Variants in DPP6 observed in about 807,000 individuals in gnomAD.
DPP6 encodes dipeptidyl peptidase like 6.
DPP6 carries 69 observed loss-of-function variants against 122.6 expected under a neutral mutation model. The ratio of observed to expected loss-of-function variants is 0.56; its 90% confidence interval spans 0.46 to 0.69. The LOEUF (loss-of-function observed/expected upper bound fraction) is 0.69. DPP6 is among the 30% of genes least tolerant of loss of function. The pLI is 0.00. For synonymous variants in DPP6, 418 were observed against 433.1 expected (o/e 0.97, Z 0.43); for missense variants, 928 against 1,116.9 (o/e 0.83, Z 2.41).
At chr7:154,320,546 C>T (rs968426568) in intron 1 of DPP6, among the ~76,000 whole-genome samples, 2 of 152,004 alleles carry the variant, frequency 1.3e-5, no homozygotes, top group South Asian at 2.1e-4. Context: ...TGCAGCAGTG[C>T]GATCTCGGCT....
chr7:154,569,297 T>C (rs1830962761), intron 5 of DPP6, among the ~76,000 whole-genome samples: 1 of 152,082 alleles, frequency 6.6e-6, no homozygotes, highest in African/African-American at 2.4e-5. Context: ...TCAGTAATTG[T>C]TATTGCTAGT....
At chr7:154,738,539 C>T (rs1295034192) in intron 8 of DPP6, among the ~76,000 whole-genome samples, 1 of 152,144 alleles carries the variant, frequency 6.6e-6, no homozygotes, top group Non-Finnish European at 1.5e-5. Flanking sequence ...TAGTCAATCC[C>T]GGAATATTCT....
At chr7:153,804,053 CT>C in the DPP6 span, among the ~76,000 whole-genome samples, 39,906 of 145,332 alleles carry the variant, frequency 0.27, 5,400 homozygotes, top group African/African-American at 0.35. Context: ...ATCCCTAGTA[CT>C]TTTTTTTTTT....
chr7:154,303,432 C>T (rs905069450), intron 1 of DPP6, among the ~76,000 whole-genome samples: 55 of 152,238 alleles, frequency 3.6e-4, no homozygotes, highest in African/African-American at 1.2e-3. Context: ...GGGCCAGAGA[C>T]GTGACCAAGG....
chr7:154,512,758 G>A (rs1464528996), intron 3 of DPP6, among the ~76,000 whole-genome samples: 1 of 152,136 alleles, frequency 6.6e-6, no homozygotes, highest in Non-Finnish European at 1.5e-5. Flanking sequence ...CTTCATGCTG[G>A]ACCTCTTGTG....
chr7:154,829,831 C>T (rs558483695), intron 16 of DPP6, among the ~76,000 whole-genome samples: 1 of 152,238 alleles, frequency 6.6e-6, no homozygotes, highest in East Asian at 1.9e-4. Flanking sequence ...CCACCAAACA[C>T]CATCTCTGCT....
intron 1 of DPP6, among the ~76,000 whole-genome samples, chr7:154,226,591 T>G (rs1400542981): frequency 1.3e-5 from 2 of 152,158 alleles, no homozygotes; most frequent in African/African-American, 4.8e-5. Flanking sequence ...TATGGGAACT[T>G]TATCAAACTC....
the DPP6 span, among the ~76,000 whole-genome samples, chr7:153,877,940 T>C: frequency 9.2e-5 from 14 of 152,060 alleles, no homozygotes; most frequent in African/African-American, 3.4e-4. Flanking sequence ...ACACTACAAA[T>C]GACAAATGGG....
chr7:154,305,772 G>A (rs1032104559), intron 1 of DPP6, among the ~76,000 whole-genome samples: 2 of 152,004 alleles, frequency 1.3e-5, no homozygotes, highest in African/African-American at 2.4e-5. Flanking sequence ...CCTCTCCCTG[G>A]CTTCTCTCTC....
chr7:153,814,388 C>A, the DPP6 span, among the ~76,000 whole-genome samples: 8 of 70,210 alleles, frequency 1.1e-4, no homozygotes. Context: ...CACATACACC[C>A]TCCCAAGACT....
At chr7:153,920,432 A>G (rs1437274345) in intron 1 of DPP6, among the ~76,000 whole-genome samples, 2 of 152,168 alleles carry the variant, frequency 1.3e-5, no homozygotes, top group African/African-American at 4.8e-5. Context: ...AAAGAGAGAA[A>G]GACAAGAGGC....
At chr7:154,491,447 T>C (rs117360761) in intron 3 of DPP6, among the ~76,000 whole-genome samples, 1 of 152,280 alleles carries the variant, frequency 6.6e-6, no homozygotes, top group East Asian at 1.9e-4. Context: ...AGACACAACA[T>C]ATTCAAGTCT....
At chr7:154,339,469 C>G (rs116085825) in intron 1 of DPP6, among the ~76,000 whole-genome samples, 3 of 152,178 alleles carry the variant, frequency 2.0e-5, no homozygotes, top group Non-Finnish European at 4.4e-5. Context: ...AAGAGCCCAC[C>G]GAATAGAAAA....
intron 1 of DPP6, chr7:153,887,829 C>T (rs1317177492): frequency 1.4e-6 from 2 of 1,381,928 alleles, no homozygotes; most frequent in Non-Finnish European, 1.9e-6. Flanking sequence ...CCGAACCTCC[C>T]TGGAAGGACA....
At chr7:154,304,986 TCTCCGCGGCAGTCGCTGC>T (rs1242992268) in intron 1 of DPP6, 1 of 154,642 alleles carries the variant, frequency 6.5e-6, no homozygotes, top group Non-Finnish European at 1.4e-5. Flanking sequence ...GGGCGCGGCG[TCTCCGCGGCAGTCGCTGC>T]CTCCGCGGCC....
chr7:154,119,232 A>G (rs1417578657), intron 1 of DPP6, among the ~76,000 whole-genome samples: 2 of 152,208 alleles, frequency 1.3e-5, no homozygotes, highest in African/African-American at 2.4e-5. Context: ...AGGAGGGGCC[A>G]TTATGCTCTG....
At chr7:154,883,815 A>ACC (rs1805742302) in intron 21 of DPP6, 1 of 134,454 alleles carries the variant, frequency 7.4e-6, no homozygotes, top group Admixed American at 7.2e-5. Flanking sequence ...ACACATGCTC[A>ACC]CACAATTACA....
chr7:154,315,349 G>C (rs1055079399), intron 1 of DPP6, among the ~76,000 whole-genome samples: 5 of 152,280 alleles, frequency 3.3e-5, no homozygotes, highest in Admixed American at 6.5e-5. Context: ...AATTTTATTT[G>C]CTCACAAGCT....
chr7:154,204,348 T>C (rs1799322898), intron 1 of DPP6, among the ~76,000 whole-genome samples: 1 of 151,868 alleles, frequency 6.6e-6, no homozygotes, highest in Admixed American at 6.6e-5. Flanking sequence ...GGGGAGGGAG[T>C]CATGGAGTTT....
Sources: gnomAD v4.1 joint callset for allele counts (sites outside exome capture counted in the v4.1 genomes callset) on GRCh38, gnomAD v4.1.1 for gene constraint, MANE v1.5 for transcripts, NCBI Gene and HGNC (gene_info 2026-07-23, HGNC 2026-07-21) for gene names.